NRXN1: variants seen among roughly 807,000 people sequenced by gnomAD.
NRXN1 encodes neurexin-1.
NRXN1 carries 39 observed loss-of-function variants against 150.9 expected under a neutral mutation model. The observed-to-expected ratio is 0.26, with a 90% confidence interval of 0.20 to 0.34. The LOEUF is 0.34. Among genes scored for constraint, NRXN1 ranks in the 10% least tolerant of loss-of-function variants. The pLI, the probability that NRXN1 is intolerant of heterozygous loss-of-function variation, is 1.00. For synonymous variants in NRXN1, 924 were observed against 757.0 expected, an observed-to-expected ratio of 1.22 and a Z score of -3.62; for missense variants, 1,815 against 1,949.9, an observed-to-expected ratio of 0.93 and a Z score of 1.30.
chr2:49,947,983 T>C (rs1673253536), intron 21 of NRXN1, among the ~76,000 whole-genome samples: 1 of 152,090 alleles, frequency 6.6e-6, no homozygotes, highest in Non-Finnish European at 1.5e-5. Context: ...ATTATAGATA[T>C]TAAACCGAAA....
intron 8 of NRXN1, among the ~76,000 whole-genome samples, chr2:50,600,712 A>C (rs1271575893): frequency 2.0e-5 from 3 of 152,228 alleles, no homozygotes; most frequent in African/African-American, 7.2e-5. Flanking sequence ...TTTACTTAGA[A>C]GTTTCTACAG....
chr2:50,893,785 T>G (rs950333198), intron 5 of NRXN1, among the ~76,000 whole-genome samples: 2 of 151,746 alleles, frequency 1.3e-5, no homozygotes, highest in African/African-American at 4.8e-5. Context: ...CCTTCAGGAT[T>G]TTTTCAACAA....
chr2:50,954,847 G>C (rs1230262264), intron 2 of NRXN1, among the ~76,000 whole-genome samples: 1 of 152,182 alleles, frequency 6.6e-6, no homozygotes, highest in Non-Finnish European at 1.5e-5. Context: ...ATGGCAACAT[G>C]AGAGACTTGA....
At chr2:49,963,215 G>C (rs12621581) in intron 21 of NRXN1, among the ~76,000 whole-genome samples, 18 of 151,864 alleles carry the variant, frequency 1.2e-4, no homozygotes, top group Non-Finnish European at 1.8e-4. Context: ...CACAGAATTC[G>C]GTGAATTTTC....
chr2:50,966,302 C>T (rs891525306), intron 2 of NRXN1, among the ~76,000 whole-genome samples: 14 of 150,880 alleles, frequency 9.3e-5, no homozygotes, highest in Non-Finnish European at 8.9e-5. Context: ...TCAATTAAAT[C>T]ATGGCGCCAC....
chr2:50,862,476 T>A (rs1475586782), intron 5 of NRXN1, among the ~76,000 whole-genome samples: 2 of 152,040 alleles, frequency 1.3e-5, no homozygotes, highest in Non-Finnish European at 2.9e-5. Flanking sequence ...ATGGATACAT[T>A]TCTTTCAGCA....
At chr2:50,251,954 T>C (rs1045955695) in intron 17 of NRXN1, among the ~76,000 whole-genome samples, 1 of 152,152 alleles carries the variant, frequency 6.6e-6, no homozygotes, top group Non-Finnish European at 1.5e-5. Context: ...GATGGATAGA[T>C]TGCAAAAGTT....
At chr2:50,608,663 C>T (rs1677532738) in intron 8 of NRXN1, among the ~76,000 whole-genome samples, 1 of 152,006 alleles carries the variant, frequency 6.6e-6, no homozygotes, top group African/African-American at 2.4e-5. Flanking sequence ...TGGTTTCAAT[C>T]CTTGATGATC....
chr2:51,005,884 T>C (rs1048550058), intron 2 of NRXN1, among the ~76,000 whole-genome samples: 2 of 151,824 alleles, frequency 1.3e-5, no homozygotes, highest in Admixed American at 6.6e-5. Context: ...ATATGTTGCC[T>C]ACAAGAAACC....
intron 17 of NRXN1, among the ~76,000 whole-genome samples, chr2:50,429,324 T>C (rs1039460199): frequency 1.3e-5 from 2 of 152,198 alleles, no homozygotes; most frequent in Non-Finnish European, 2.9e-5. Context: ...TGGTGCGATC[T>C]TGGCTCACTA....
intron 17 of NRXN1, among the ~76,000 whole-genome samples, chr2:50,356,703 C>A (rs1171882746): frequency 6.6e-6 from 1 of 152,102 alleles, no homozygotes; most frequent in East Asian, 1.9e-4. Context: ...ATAAAATAAA[C>A]CACACAGCAA....
intron 17 of NRXN1, among the ~76,000 whole-genome samples, chr2:50,243,150 ATAGC>A (rs1258563716): frequency 2.0e-5 from 3 of 151,746 alleles, no homozygotes; most frequent in African/African-American, 7.2e-5. Flanking sequence ...AAATTTCAAA[ATAGC>A]TAGGAGAGAG....
At chr2:50,920,537 T>C (rs779691558) in intron 5 of NRXN1, among the ~76,000 whole-genome samples, 2 of 151,790 alleles carry the variant, frequency 1.3e-5, no homozygotes, top group African/African-American at 2.4e-5. Flanking sequence ...CACATATACA[T>C]ATACTTTACT....
intron 18 of NRXN1, among the ~76,000 whole-genome samples, chr2:50,097,112 A>G (rs1700328400): frequency 6.6e-6 from 1 of 152,124 alleles, no homozygotes; most frequent in Non-Finnish European, 1.5e-5. Context: ...CCATTCTTGG[A>G]TTGTTATATA....
chr2:50,544,806 T>C (rs1029996814), intron 9 of NRXN1, among the ~76,000 whole-genome samples: 1 of 152,150 alleles, frequency 6.6e-6, no homozygotes, highest in Non-Finnish European at 1.5e-5. Context: ...GAATTATCTA[T>C]AAACTAGTTT....
At chr2:50,201,333 A>G (rs753272973) in intron 18 of NRXN1, among the ~76,000 whole-genome samples, 6 of 152,186 alleles carry the variant, frequency 3.9e-5, no homozygotes, top group Non-Finnish European at 7.3e-5. Context: ...AAAATCCATT[A>G]AACTAGAAAC....
chr2:50,348,000 C>T lies in NRXN1; in HGVS notation c.3365-111030G>A, dbSNP rs1416246811. Among the ~76,000 whole-genome samples, 1 of 152,152 alleles carries T rather than the reference C, an allele frequency of 6.6e-6. No homozygotes were observed. Among genetic ancestry groups the T allele is most frequent in the East Asian group, 1.9e-4 (1 of 5,184 alleles). ...AGCAACTCTCCCTCCACCAGGTGATCCCTCCATCTGAACTACAATGGCAAA... is the reference window on the plus strand; with the variant it reads ...AGCAACTCTCCCTCCACCAGGTGATTCCTCCATCTGAACTACAATGGCAAA... On this transcript the variant is annotated intron_variant, in intron 17 of 22. Transcript: ENST00000401669. The surrounding 1 kb of genome is among the most constrained non-coding windows in gnomAD (Gnocchi z 4.9).
intron 5 of NRXN1, among the ~76,000 whole-genome samples, chr2:50,700,129 A>C (rs1693526106): frequency 6.6e-6 from 1 of 152,226 alleles, no homozygotes; most frequent in Admixed American, 6.5e-5. Context: ...AGGTTTCCGT[A>C]TGACACTTTA....
chr2:50,672,525 A>C (rs1048431458), intron 5 of NRXN1, among the ~76,000 whole-genome samples: 3 of 151,980 alleles, frequency 2.0e-5, no homozygotes, highest in Non-Finnish European at 4.4e-5. Context: ...TTCTTTATAG[A>C]GGTCTTAGAA....
Sources: allele counts gnomAD v4.1 joint callset (sites outside exome capture counted in the v4.1 genomes callset), GRCh38; gene constraint gnomAD v4.1.1; non-coding constraint Gnocchi (gnomAD v3.1); transcripts MANE v1.5; gene names NCBI Gene and HGNC (gene_info 2026-07-23, HGNC 2026-07-21).